Variants in CDK6 observed in about 807,000 individuals in gnomAD.
CDK6 encodes the protein cyclin-dependent kinase 6.
Under a neutral mutation model 37.1 loss-of-function variants are expected in CDK6, and 6 were observed. The ratio of observed to expected loss-of-function variants is 0.16; its 90% CI spans 0.09 to 0.32. The LOEUF (loss-of-function observed/expected upper bound fraction) is 0.32. Ranked by LOEUF, CDK6 falls within the 10% of genes least tolerant of loss-of-function variation. CDK6 has a pLI of 1.00. For missense variants in CDK6, 224 were observed against 418.9 expected (o/e 0.53, Z 4.06); for synonymous variants, 160 against 161.3 (o/e 0.99, Z 0.06).
chr7:92,650,982 C>T (rs1006398807), intron 5 of CDK6, among the ~76,000 whole-genome samples: 1 of 152,012 alleles, frequency 6.6e-6, no homozygotes, highest in Non-Finnish European at 1.5e-5. Flanking sequence ...CTCTGCCTCC[C>T]AGGTTCAAGT....
intron 2 of CDK6, among the ~76,000 whole-genome samples, chr7:92,823,922 C>A (rs1488629564): frequency 1.3e-5 from 2 of 152,116 alleles, no homozygotes; most frequent in Non-Finnish European, 2.9e-5. Flanking sequence ...CCATCCTAGC[C>A]TTCCAAAGTG....
rs554845878 is a variant in CDK6 at position 92,606,096 on chromosome 7, T to C, written c.*9044A>G. Reference sequence around the variant, plus strand: ...ACCCTTATAAGTCTGTACCCTGATATGAAAATAGCAGAATGAATTTCAAGT... The same window carrying C: ...ACCCTTATAAGTCTGTACCCTGATACGAAAATAGCAGAATGAATTTCAAGT... On this transcript the variant is annotated 3_prime_UTR_variant, in exon 8 of 8. Transcript: ENST00000424848. 7.3e-5 allele frequency: 17 copies of C among 233,572 alleles called. No homozygotes were observed. The highest frequency in any genetic ancestry group is 2.9e-4 in the African/African-American group (13 of 45,450). 14.5% of individuals were successfully genotyped at this position (233,572 alleles called of 1,614,324 possible).
intron 3 of CDK6, among the ~76,000 whole-genome samples, chr7:92,761,043 T>C (rs1799443094): frequency 6.6e-6 from 1 of 152,096 alleles, no homozygotes; most frequent in South Asian, 2.1e-4. Flanking sequence ...CTCCTTTTTC[T>C]TAGTGGTTTG....
At chr7:92,808,745 C>G (rs1040305534) in intron 2 of CDK6, among the ~76,000 whole-genome samples, 2 of 152,006 alleles carry the variant, frequency 1.3e-5, no homozygotes, top group African/African-American at 2.4e-5. Flanking sequence ...AGAACATAAC[C>G]CATTTTCAGC....
intron 5 of CDK6, among the ~76,000 whole-genome samples, chr7:92,664,959 G>C (rs1232498797): frequency 6.6e-6 from 1 of 151,780 alleles, no homozygotes; most frequent in Non-Finnish European, 1.5e-5. Context: ...CTAATTTTTT[G>C]TATTTTTAAT....
intron 4 of CDK6, among the ~76,000 whole-genome samples, chr7:92,698,441 T>A (rs1797769685): frequency 6.6e-6 from 1 of 152,298 alleles, no homozygotes; most frequent in South Asian, 2.1e-4. Context: ...TAATTTTTTG[T>A]GCTTTTTTTT....
chr7:92,703,293 C>A (rs145285578), intron 4 of CDK6, among the ~76,000 whole-genome samples: 1 of 151,820 alleles, frequency 6.6e-6, no homozygotes, highest in Non-Finnish European at 1.5e-5. Flanking sequence ...CCTTGGTATG[C>A]GATGGGAGCT....
chr7:92,724,837 A>G (rs1318913148), intron 4 of CDK6, among the ~76,000 whole-genome samples: 1 of 152,122 alleles, frequency 6.6e-6, no homozygotes, highest in African/African-American at 2.4e-5. Flanking sequence ...GTAAGGCATG[A>G]ATTTACTGTA....
intron 7 of CDK6, among the ~76,000 whole-genome samples, chr7:92,616,058 C>T (rs1254661788): frequency 6.6e-6 from 1 of 152,140 alleles, no homozygotes; most frequent in Non-Finnish European, 1.5e-5. Context: ...TAGCAGGTGG[C>T]AAGCACTAAT....
intron 3 of CDK6, among the ~76,000 whole-genome samples, chr7:92,745,674 A>T (rs533672749): frequency 1.3e-5 from 2 of 152,324 alleles, no homozygotes; most frequent in Admixed American, 1.3e-4. Flanking sequence ...GGTTGAGGGT[A>T]GAGTATTTGA....
intron 5 of CDK6, among the ~76,000 whole-genome samples, chr7:92,644,766 T>C (rs185816247): frequency 3.9e-5 from 6 of 152,222 alleles, no homozygotes; most frequent in African/African-American, 1.4e-4. Context: ...GTTTCTTCTA[T>C]CATACAGAAG....
Position 92,834,606 on chromosome 7 carries a change from G to T in CDK6, c.-367-916C>A, listed in dbSNP as rs1164748099. 6.7e-6 allele frequency among the ~76,000 whole-genome samples: 1 copy of T among 149,786 alleles called. No individual in the cohort carries two copies. Among genetic ancestry groups the T allele is most frequent in the South Asian group, 2.1e-4 (1 of 4,760 alleles). On this transcript the variant is annotated intron_variant, in intron 1 of 7. Transcript: ENST00000424848. This position sits in a 1 kb window ranked among gnomAD's most constrained non-coding sequence, Gnocchi z 4.6. ...AAAGAATAACTTCAGGAAGGGGATA[G>T]CATAATCGCGCCTCGTCCTTAAGTT... is the stretch of plus-strand genomic sequence containing the variant.
chr7:92,790,007 T>TA (rs1457768356), intron 2 of CDK6, among the ~76,000 whole-genome samples: 2 of 152,138 alleles, frequency 1.3e-5, no homozygotes, highest in Admixed American at 6.6e-5. Context: ...AGATGACAGT[T>TA]ATCTCCTTTA....
At chr7:92,664,127 C>T (rs1039455529) in intron 5 of CDK6, among the ~76,000 whole-genome samples, 4 of 150,858 alleles carry the variant, frequency 2.7e-5, no homozygotes, top group African/African-American at 7.3e-5. Flanking sequence ...GGTGACAGAG[C>T]GAGACTCTGC....
At chr7:92,822,820 G>C (rs1241871595) in intron 2 of CDK6, among the ~76,000 whole-genome samples, 1 of 151,912 alleles carries the variant, frequency 6.6e-6, no homozygotes, top group Non-Finnish European at 1.5e-5. Context: ...CTGGTTTGAG[G>C]GTTTTCTAAA....
At chr7:92,669,072 G>A (rs1219582480) in intron 5 of CDK6, among the ~76,000 whole-genome samples, 1 of 152,154 alleles carries the variant, frequency 6.6e-6, no homozygotes, top group Non-Finnish European at 1.5e-5. Flanking sequence ...TATCATCAAA[G>A]GAACCCTCCC....
intron 3 of CDK6, among the ~76,000 whole-genome samples, chr7:92,759,859 T>C (rs1799412196): frequency 6.6e-5 from 10 of 152,170 alleles, no homozygotes; most frequent in Admixed American, 6.6e-4. Context: ...TGTTGCTGTA[T>C]GGCCATGCAC....
At chr7:92,706,497 A>C (rs1047882216) in intron 4 of CDK6, among the ~76,000 whole-genome samples, 3 of 152,248 alleles carry the variant, frequency 2.0e-5, no homozygotes, top group Non-Finnish European at 4.4e-5. Flanking sequence ...CACTCTATAG[A>C]GATTAAATAC....
intron 2 of CDK6, among the ~76,000 whole-genome samples, chr7:92,797,134 A>T (rs77340545): frequency 0.016 from 2,495 of 152,248 alleles, 44 homozygotes; most frequent in Non-Finnish European, 0.022. Context: ...GCATGGCTCA[A>T]CCCTGTCATA....
Sources: gnomAD v4.1 joint callset for allele counts (sites outside exome capture counted in the v4.1 genomes callset) on GRCh38, gnomAD v4.1.1 for gene constraint, Gnocchi (gnomAD v3.1) non-coding constraint, MANE v1.5 for transcripts, NCBI Gene and HGNC (gene_info 2026-07-23, HGNC 2026-07-21) for gene names.